Variants in DLC1 observed in about 807,000 individuals in gnomAD.
DLC1 encodes rho GTPase-activating protein 7.
Under a neutral mutation model 140.3 loss-of-function variants are expected in DLC1, and 54 were observed. That is an observed-to-expected ratio of 0.38 (90% CI 0.31 to 0.48). DLC1 has a LOEUF of 0.48. DLC1 is among the 20% of genes least tolerant of loss of function. DLC1 has a pLI of 0.96. For missense variants in DLC1, 2,536 were observed against 1,907.0 expected, an observed-to-expected ratio of 1.33 and a Z score of -6.14; for synonymous variants, 986 against 728.1, an observed-to-expected ratio of 1.35 and a Z score of -5.70.
At chr8:13,567,446 T>C (rs1451164142) in intron 1 of DLC1, 9 of 1,551,930 alleles carry the variant, frequency 5.8e-6, no homozygotes, top group Non-Finnish European at 7.8e-6. Context: ...AAGCTGCATC[T>C]TGGATTGGAT....
intron 5 of DLC1, among the ~76,000 whole-genome samples, chr8:13,273,234 G>A (rs576055004): frequency 1.3e-5 from 2 of 152,274 alleles, no homozygotes; most frequent in South Asian, 4.1e-4. Context: ...AATCAAAGGG[G>A]AGGGGGTGAG....
At chr8:13,534,285 C>A (rs1803195127) in intron 1 of DLC1, among the ~76,000 whole-genome samples, 1 of 152,178 alleles carries the variant, frequency 6.6e-6, no homozygotes, top group African/African-American at 2.4e-5. Context: ...TAAAGCTTCA[C>A]ATGTTTGCAC....
intron 1 of DLC1, among the ~76,000 whole-genome samples, chr8:13,593,510 C>T (rs1003469903): frequency 2.6e-5 from 4 of 152,084 alleles, no homozygotes; most frequent in East Asian, 1.9e-4. Context: ...GACTCAGCAA[C>T]CTGCCAGTTC....
intron 5 of DLC1, among the ~76,000 whole-genome samples, chr8:13,147,412 G>C (rs754647668): frequency 1.1e-4 from 17 of 152,312 alleles, no homozygotes; most frequent in Admixed American, 3.9e-4. Context: ...CCAGTAGCTT[G>C]TGTTCCTTCT....
At chr8:13,323,990 C>A (rs1032713609) in intron 4 of DLC1, among the ~76,000 whole-genome samples, 11 of 152,162 alleles carry the variant, frequency 7.2e-5, no homozygotes, top group African/African-American at 2.7e-4. Context: ...TCCTTAATGC[C>A]CTGGCTGAAT....
At position 13,193,694 on chromosome 8, in the gene DLC1, C is replaced by A. The variant is rs751893806; in HGVS notation, c.1349-78037G>T. 1.1e-4 allele frequency among the ~76,000 whole-genome samples: 16 copies of A among 152,282 alleles called. No homozygotes were observed. The South Asian group carries it at 1.9e-3, about 18-fold the overall frequency. On this transcript the variant is annotated intron_variant, in intron 5 of 17. Transcript: ENST00000276297. The stretch of plus-strand genomic sequence containing the variant: ...TGGCCAGAACCAAAGGAAGTGAGTA[C>A]ATTCAAGGGTGAAAGGATGATTCAA...
intron 1 of DLC1, among the ~76,000 whole-genome samples, chr8:13,554,127 C>A (rs1006654299): frequency 2.6e-5 from 4 of 152,112 alleles, no homozygotes; most frequent in African/African-American, 9.7e-5. Flanking sequence ...AGTGCAATGG[C>A]ACAATCTCCA....
chr8:13,473,846 CA>C (rs1160550351), intron 2 of DLC1, among the ~76,000 whole-genome samples: 1 of 152,118 alleles, frequency 6.6e-6, no homozygotes, highest in Non-Finnish European at 1.5e-5. Flanking sequence ...TTCTAAGCAG[CA>C]AAGTATTCAA....
intron 5 of DLC1, among the ~76,000 whole-genome samples, chr8:13,210,019 T>C (rs1827863330): frequency 6.6e-6 from 1 of 152,146 alleles, no homozygotes; most frequent in African/African-American, 2.4e-5. Flanking sequence ...TTTGAAATAT[T>C]AAGATTATGG....
At chr8:13,439,249 G>A (rs781460962) in intron 2 of DLC1, among the ~76,000 whole-genome samples, 92 of 152,186 alleles carry the variant, frequency 6.0e-4, no homozygotes, top group Non-Finnish European at 1.0e-3. Flanking sequence ...GCTTGAACCC[G>A]GGAGGCAGAG....
At chr8:13,375,716 G>A (rs1445327912) in intron 4 of DLC1, among the ~76,000 whole-genome samples, 25 of 109,554 alleles carry the variant, frequency 2.3e-4, no homozygotes, top group Non-Finnish European at 7.6e-5. Flanking sequence ...AATGATGACT[G>A]TTATTTTATT....
intron 4 of DLC1, among the ~76,000 whole-genome samples, chr8:13,374,497 A>G (rs1835876969): frequency 6.6e-6 from 1 of 152,024 alleles, no homozygotes; most frequent in Non-Finnish European, 1.5e-5. Flanking sequence ...TAAGAATGTC[A>G]CCCCAGGCCG....
At chr8:13,414,208 A>C (rs898123854) in intron 2 of DLC1, among the ~76,000 whole-genome samples, 5 of 152,174 alleles carry the variant, frequency 3.3e-5, no homozygotes, top group Non-Finnish European at 5.9e-5. Context: ...GTACATTCAT[A>C]TATTGACATA....
chr8:13,519,064 C>A (rs1006414607), upstream of DLC1, among the ~76,000 whole-genome samples: 4 of 151,950 alleles, frequency 2.6e-5, no homozygotes, highest in Non-Finnish European at 5.9e-5. Flanking sequence ...CATATGTATA[C>A]ATGTGCCATG....
At chr8:13,189,398 A>T (rs528249653) in intron 5 of DLC1, among the ~76,000 whole-genome samples, 2 of 152,230 alleles carry the variant, frequency 1.3e-5, no homozygotes, top group African/African-American at 4.8e-5. Context: ...GGATCACTTA[A>T]GGCTGAGAGT....
chr8:13,197,304 A>G (rs1827120695), intron 5 of DLC1, among the ~76,000 whole-genome samples: 1 of 152,122 alleles, frequency 6.6e-6, no homozygotes, highest in Admixed American at 6.6e-5. Context: ...CCTAATTAGT[A>G]ACTATTTAAG....
Position 13,201,109 on chromosome 8 carries a change from A to G in DLC1, c.1349-85452T>C, listed in dbSNP as rs529718605. Among the ~76,000 whole-genome samples, 3 of 151,762 alleles carry G rather than the reference A, an allele frequency of 2.0e-5. No homozygotes were observed. The East Asian group carries it at 5.9e-4, about 30-fold the overall frequency. ...TTCTTCCCTTCAAATAATAAAACAA[A>G]TTGGCAATTGAGAAAACAAGGAAAC... On this transcript the variant is annotated intron_variant, in intron 5 of 17. Transcript: ENST00000276297.
At chr8:13,095,812 A>G (rs936305095) in intron 10 of DLC1, 4 of 153,462 alleles carry the variant, frequency 2.6e-5, no homozygotes, top group Non-Finnish European at 4.4e-5. Flanking sequence ...CAGATAACAC[A>G]TGATGGGAAA....
At chr8:13,566,445 T>C (rs1488344823) in intron 1 of DLC1, among the ~76,000 whole-genome samples, 1 of 151,690 alleles carries the variant, frequency 6.6e-6, no homozygotes, top group East Asian at 1.9e-4. Context: ...TTCTGTATTT[T>C]GACTTTTCCC....
Sources: allele counts gnomAD v4.1 joint callset (sites outside exome capture counted in the v4.1 genomes callset), GRCh38; gene constraint gnomAD v4.1.1; transcripts MANE v1.5; gene names NCBI Gene and HGNC (gene_info 2026-07-23, HGNC 2026-07-21).